The following OXR1 variants were observed in gnomAD, a reference collection of about 807,000 sequenced individuals.
OXR1 encodes oxidation resistance protein 1.
OXR1 carries 41 observed loss-of-function variants against 104.6 expected under a neutral mutation model. The observed-to-expected ratio is 0.39, with a 90% confidence interval of 0.31 to 0.51. The LOEUF is 0.51. Among genes scored for constraint, OXR1 ranks in the 20% least tolerant of loss-of-function variants. The pLI, the probability that OXR1 is intolerant of heterozygous loss-of-function variation, is 0.77. For synonymous variants in OXR1, 348 were observed against 348.4 expected (o/e 1.00, Z 0.01); for missense variants, 955 against 1,031.9 (o/e 0.93, Z 1.02).
At chr8:106,435,875 A>T (rs1448322753) in intron 2 of OXR1, among the ~76,000 whole-genome samples, 1 of 152,068 alleles carries the variant, frequency 6.6e-6, no homozygotes, top group Non-Finnish European at 1.5e-5. Context: ...ACTTTATTGG[A>T]TGTTGTTGGT....
chr8:106,437,577 T>C (rs1819628533), intron 2 of OXR1, among the ~76,000 whole-genome samples: 1 of 152,132 alleles, frequency 6.6e-6, no homozygotes, highest in Admixed American at 6.6e-5. Flanking sequence ...AAAGAAATCA[T>C]GTAAACAATG....
At chr8:106,640,637 G>T (rs1823552817) in intron 3 of OXR1, among the ~76,000 whole-genome samples, 1 of 151,892 alleles carries the variant, frequency 6.6e-6, no homozygotes, top group Admixed American at 6.6e-5. Context: ...TCTTTACTTT[G>T]GGAAGTAACT....
At chr8:106,531,600 T>C (rs988835792) in intron 3 of OXR1, among the ~76,000 whole-genome samples, 1 of 152,198 alleles carries the variant, frequency 6.6e-6, no homozygotes, top group African/African-American at 2.4e-5. Context: ...GAGTTGAACC[T>C]TGTGACTCTG....
At chr8:106,623,390 T>TAA (rs965695593) in intron 3 of OXR1, among the ~76,000 whole-genome samples, 2 of 147,102 alleles carry the variant, frequency 1.4e-5, no homozygotes, top group African/African-American at 5.0e-5. Flanking sequence ...TACACAATAG[T>TAA]AAAAAAAAAA....
intron 3 of OXR1, among the ~76,000 whole-genome samples, chr8:106,616,218 ATTTTTTTTTTT>A (rs372788802): frequency 1.0e-5 from 1 of 96,036 alleles, no homozygotes; most frequent in Non-Finnish European, 2.0e-5. Context: ...ATTTTTTGGA[ATTTTTTTTTTT>A]TTTTTTTTTT....
intron 3 of OXR1, among the ~76,000 whole-genome samples, chr8:106,543,672 G>A (rs894642654): frequency 6.6e-6 from 1 of 152,192 alleles, no homozygotes; most frequent in Non-Finnish European, 1.5e-5. Context: ...TATGGAAAGG[G>A]CTGAGGGTCA....
At chr8:106,387,087 G>T (rs1201900994) in intron 2 of OXR1, among the ~76,000 whole-genome samples, 2 of 152,152 alleles carry the variant, frequency 1.3e-5, no homozygotes, top group African/African-American at 4.8e-5. Context: ...TTAAGAAATT[G>T]TTATGTAAGC....
chr8:106,745,996 A>G (rs1835366256), intron 16 of OXR1, 134 bp downstream of exon 16: 1 of 562,446 alleles, frequency 1.8e-6, no homozygotes, highest in East Asian at 2.9e-5. Flanking sequence ...AAAAGAGAGT[A>G]TAATGTATTT....
At chr8:106,465,372 A>T (rs193080122) in intron 2 of OXR1, among the ~76,000 whole-genome samples, 7 of 152,124 alleles carry the variant, frequency 4.6e-5, no homozygotes. Flanking sequence ...AAGAGGTCAA[A>T]CCATGTACAG....
chr8:106,723,935 A>G (rs1409919247), intron 11 of OXR1, among the ~76,000 whole-genome samples: 2 of 151,590 alleles, frequency 1.3e-5, no homozygotes, highest in Non-Finnish European at 2.9e-5. Context: ...GACTACAGGT[A>G]TGTGCCACCT....
At position 106,730,432 on chromosome 8, in the gene OXR1, T is replaced by A. The variant is rs182347743; in HGVS notation, c.1957-7088T>A. Among the ~76,000 whole-genome samples, 9 of 151,948 alleles carry A rather than the reference T, an allele frequency of 5.9e-5. No individual in the cohort carries two copies. The East Asian group carries it at 1.7e-3, about 29-fold the overall frequency. On this transcript the variant is annotated intron_variant, in intron 11 of 16. Coordinates refer to ENST00000517566, the MANE Select transcript of OXR1 (RefSeq NM_001198533.2). ...AGTGAACACCTGGCACCCACCGGTC[T>A]TTCCACTGTTTTGCGTTTTGCAGAG...
chr8:106,665,488 T>C (rs1826201677), intron 3 of OXR1, among the ~76,000 whole-genome samples: 2 of 152,228 alleles, frequency 1.3e-5, no homozygotes, highest in Admixed American at 1.3e-4. Flanking sequence ...ATAACAGGAT[T>C]ATTTAGGGAT....
intron 1 of OXR1, among the ~76,000 whole-genome samples, chr8:106,322,408 A>G (rs1814264271): frequency 6.6e-6 from 1 of 152,216 alleles, no homozygotes; most frequent in Admixed American, 6.5e-5. Flanking sequence ...CAAAACAACA[A>G]GAGCCATCTA....
intron 2 of OXR1, among the ~76,000 whole-genome samples, chr8:106,397,867 C>T (rs1207550279): frequency 2.6e-5 from 4 of 152,144 alleles, no homozygotes; most frequent in Non-Finnish European, 5.9e-5. Flanking sequence ...TATTGTCTCA[C>T]AGTTCTGGAG....
At chr8:106,702,870 T>C (rs753648146) in intron 7 of OXR1, 36 bp from the exon 8 acceptor site, 4 of 1,527,308 alleles carry the variant, frequency 2.6e-6, no homozygotes, top group Non-Finnish European at 3.6e-6. Flanking sequence ...AGTATCAACC[T>C]TGAGGATTAA....
intron 2 of OXR1, among the ~76,000 whole-genome samples, chr8:106,418,592 A>G (rs1046627326): frequency 1.3e-5 from 2 of 152,098 alleles, no homozygotes; most frequent in Non-Finnish European, 1.5e-5. Flanking sequence ...AAAATAGTAT[A>G]TATCCTTGCT....
intron 2 of OXR1, among the ~76,000 whole-genome samples, chr8:106,456,596 A>G (rs1317397251): frequency 6.6e-6 from 1 of 152,168 alleles, no homozygotes; most frequent in Non-Finnish European, 1.5e-5. Context: ...ATGAGCAACT[A>G]TTGTGGGTTT....
intron 2 of OXR1, among the ~76,000 whole-genome samples, chr8:106,403,062 C>T (rs925722929): frequency 2.0e-5 from 3 of 152,166 alleles, no homozygotes; most frequent in African/African-American, 7.2e-5. Flanking sequence ...CCTTGTGATC[C>T]ACCCGTCTCG....
chr8:106,741,600 C>T (rs1834922187), intron 14 of OXR1, among the ~76,000 whole-genome samples: 1 of 152,066 alleles, frequency 6.6e-6, no homozygotes, highest in Non-Finnish European at 1.5e-5. Context: ...AGTGACTGTA[C>T]AGATTATCTG....
Sources: allele counts gnomAD v4.1 joint callset (sites outside exome capture counted in the v4.1 genomes callset), GRCh38; gene constraint gnomAD v4.1.1; transcripts MANE v1.5; gene names NCBI Gene and HGNC (gene_info 2026-07-23, HGNC 2026-07-21).